EBF1: variants seen among roughly 807,000 people sequenced by gnomAD.
The protein encoded by EBF1 is EBF transcription factor 1, also known as transcription factor COE1.
Under a neutral mutation model 68.4 loss-of-function variants are expected in EBF1, and 10 were observed. The ratio of observed to expected loss-of-function variants is 0.15; its 90% CI spans 0.09 to 0.25. The LOEUF (loss-of-function observed/expected upper bound fraction) is 0.25, where lower values mean the gene tolerates loss of function less well. Among genes scored for constraint, EBF1 ranks in the 10% least tolerant of loss-of-function variants. EBF1 has a pLI of 1.00. For synonymous variants in EBF1, 298 were observed against 299.8 expected (o/e 0.99, Z 0.06); for missense variants, 509 against 794.4 (o/e 0.64, Z 4.32).
chr5:158,767,005 C>T (rs796483147), intron 10 of EBF1, among the ~76,000 whole-genome samples: 1 of 152,120 alleles, frequency 6.6e-6, no homozygotes, highest in Non-Finnish European at 1.5e-5. Context: ...ACATATACAG[C>T]TCAGTTCCTA....
intron 8 of EBF1, among the ~76,000 whole-genome samples, chr5:158,816,833 T>C (rs939734031): frequency 2.0e-5 from 3 of 152,284 alleles, no homozygotes; most frequent in Admixed American, 2.0e-4. Flanking sequence ...ATGTTTGACT[T>C]TCTATGAAGA....
At chr5:158,971,558 T>C (rs1356900112) in intron 6 of EBF1, among the ~76,000 whole-genome samples, 1 of 152,192 alleles carries the variant, frequency 6.6e-6, no homozygotes, top group Non-Finnish European at 1.5e-5. Context: ...CTGAAGAGGT[T>C]CCATGACTTT....
chr5:158,756,532 A>C (rs1561837727), intron 10 of EBF1, among the ~76,000 whole-genome samples: 1 of 152,042 alleles, frequency 6.6e-6, no homozygotes, highest in East Asian at 1.9e-4. Flanking sequence ...TAACCTCTTG[A>C]AGTATAAACG....
chr5:158,747,997 A>G (rs896139291), intron 10 of EBF1, among the ~76,000 whole-genome samples: 1 of 152,206 alleles, frequency 6.6e-6, no homozygotes, highest in African/African-American at 2.4e-5. Context: ...CTGTGGAAGC[A>G]TTTAGCTAAT....
At chr5:158,743,229 G>A (rs1166952912) in intron 10 of EBF1, among the ~76,000 whole-genome samples, 1 of 152,210 alleles carries the variant, frequency 6.6e-6, no homozygotes, top group African/African-American at 2.4e-5. Context: ...TCAAATATCT[G>A]AGTTGGGTAT....
At chr5:158,792,277 A>G (rs1054339851) in intron 9 of EBF1, among the ~76,000 whole-genome samples, 1 of 152,202 alleles carries the variant, frequency 6.6e-6, no homozygotes, top group Non-Finnish European at 1.5e-5. Context: ...AGAAAGAGGA[A>G]GGGGGCAAAT....
At chr5:158,797,422 G>A (rs1045248819) in intron 8 of EBF1, among the ~76,000 whole-genome samples, 7 of 152,226 alleles carry the variant, frequency 4.6e-5, no homozygotes, top group African/African-American at 1.4e-4. Context: ...TTATTTTTAT[G>A]AACAACAAGA....
At chr5:159,033,627 C>G (rs1345693109) in intron 6 of EBF1, among the ~76,000 whole-genome samples, 1 of 152,156 alleles carries the variant, frequency 6.6e-6, no homozygotes, top group African/African-American at 2.4e-5. Flanking sequence ...GTAGTTGTGC[C>G]TGGGATGCAT....
intron 6 of EBF1, among the ~76,000 whole-genome samples, chr5:158,927,024 C>T (rs534199518): frequency 6.6e-6 from 1 of 152,292 alleles, no homozygotes; most frequent in East Asian, 1.9e-4. Context: ...CTGCCTTCAC[C>T]CATAACTCAA....
chr5:158,976,174 A>T (rs764313370), intron 6 of EBF1, among the ~76,000 whole-genome samples: 14 of 152,184 alleles, frequency 9.2e-5, no homozygotes, highest in Non-Finnish European at 1.9e-4. Context: ...GTAGTGATTC[A>T]TTGTGTTGGC....
chr5:158,702,581 T>C (rs912360346), intron 15 of EBF1, among the ~76,000 whole-genome samples: 2 of 150,146 alleles, frequency 1.3e-5, no homozygotes, highest in African/African-American at 4.9e-5. Context: ...AGTGAGAGGG[T>C]GGAATGTGGT....
intron 6 of EBF1, among the ~76,000 whole-genome samples, chr5:159,013,506 G>C (rs1166740373): frequency 2.0e-5 from 3 of 152,202 alleles, no homozygotes; most frequent in Non-Finnish European, 4.4e-5. Flanking sequence ...AGGCAAGGAA[G>C]GCACTCCAGG....
chr5:158,701,065 C>T (rs1756640704), intron 15 of EBF1, among the ~76,000 whole-genome samples: 1 of 152,146 alleles, frequency 6.6e-6, no homozygotes, highest in African/African-American at 2.4e-5. Context: ...TGTGACAGCC[C>T]AGCATGGCTC....
chr5:158,902,419 CTTTTTT>C (rs11366010), intron 6 of EBF1, among the ~76,000 whole-genome samples: 1 of 142,832 alleles, frequency 7.0e-6, no homozygotes, highest in African/African-American at 2.6e-5. Context: ...GCTTCTTTTT[CTTTTTT>C]TTTTTTTTCT....
chr5:158,747,270 A>G (rs1767792219), intron 10 of EBF1, among the ~76,000 whole-genome samples: 1 of 152,182 alleles, frequency 6.6e-6, no homozygotes. Flanking sequence ...AAATAGGATC[A>G]TTTGTTGAGA....
At chr5:159,070,337 A>G (rs952719323) in intron 6 of EBF1, among the ~76,000 whole-genome samples, 30 of 152,224 alleles carry the variant, frequency 2.0e-4, no homozygotes, top group African/African-American at 7.0e-4. Flanking sequence ...GATTGTAAAA[A>G]GAATTGGGGT....
intron 6 of EBF1, among the ~76,000 whole-genome samples, chr5:158,924,219 C>T (rs1287878465): frequency 6.6e-6 from 1 of 152,212 alleles, no homozygotes; most frequent in East Asian, 1.9e-4. Context: ...GCTGTTGTTC[C>T]ATTTCACCTG....
chr5:158,956,789 C>T (rs1171119762), intron 6 of EBF1, among the ~76,000 whole-genome samples: 5 of 134,294 alleles, frequency 3.7e-5, no homozygotes, highest in South Asian at 2.4e-4. Context: ...GATGGAGTCT[C>T]GCTCTGTCGC....
intron 6 of EBF1, among the ~76,000 whole-genome samples, chr5:158,944,581 C>A (rs1009905259): frequency 6.6e-6 from 1 of 152,178 alleles, no homozygotes; most frequent in African/African-American, 2.4e-5. Context: ...TGGGTATACA[C>A]CCAGTAACGG....
Sources: allele counts gnomAD v4.1 joint callset (sites outside exome capture counted in the v4.1 genomes callset), GRCh38; gene constraint gnomAD v4.1.1; transcripts MANE v1.5; gene names NCBI Gene and HGNC (gene_info 2026-07-23, HGNC 2026-07-21).